ESYT3: variants seen among roughly 807,000 people sequenced by gnomAD.
ESYT3 encodes the protein extended synaptotagmin 3, also known as extended synaptotagmin-3.
Under a neutral mutation model 111.5 loss-of-function variants are expected in ESYT3, and 101 were observed. That is an observed-to-expected ratio of 0.91 (90% confidence interval 0.77 to 1.07). The LOEUF is 1.07. ESYT3 is among the 50% of genes least tolerant of loss of function. The pLI is 0.00. For synonymous variants in ESYT3, 416 were observed against 446.8 expected, an observed-to-expected ratio of 0.93 and a Z score of 0.87; for missense variants, 1,097 against 1,109.4, an observed-to-expected ratio of 0.99 and a Z score of 0.16.
At position 138,440,473 on chromosome 3, in the gene ESYT3, A is replaced by C. The variant is rs1374908767; in HGVS notation, c.327+5348A>C. Among the ~76,000 whole-genome samples, 1 of 152,192 alleles carries C rather than the reference A, an allele frequency of 6.6e-6. No homozygotes were observed. The highest frequency in any genetic ancestry group is 2.4e-5 in the African/African-American group (1 of 41,448). Reference sequence around the variant, plus strand: ...GGAAGTAAATGCAGTGACAGCTCTGAGCTAGCCTGGGCACTCTCAGATTAG... The same window carrying C: ...GGAAGTAAATGCAGTGACAGCTCTGCGCTAGCCTGGGCACTCTCAGATTAG... On this transcript the variant is annotated intron_variant, in intron 1 of 22. Coordinates refer to ENST00000389567, the MANE Select transcript of ESYT3 (RefSeq NM_031913.5). This position sits in a 1 kb window ranked among gnomAD's most constrained non-coding sequence, Gnocchi z 4.2.
intron 16 of ESYT3, chr3:138,470,523 T>C: frequency 3.5e-6 from 4 of 1,132,166 alleles, no homozygotes; most frequent in Non-Finnish European, 3.3e-6. Context: ...GCAAAAACAA[T>C]GTCTTGTCCA....
intron 1 of ESYT3, among the ~76,000 whole-genome samples, chr3:138,450,364 T>C (rs150387844): frequency 6.6e-6 from 1 of 152,266 alleles, no homozygotes; most frequent in Non-Finnish European, 1.5e-5. Flanking sequence ...GCAGAGAATG[T>C]TTGCTGAGCA....
chr3:138,459,671 G>A lies in ESYT3; in HGVS notation c.649-274G>A, dbSNP rs2032509518. Among the ~76,000 whole-genome samples, 3 of 152,232 alleles carry A rather than the reference G, an allele frequency of 2.0e-5. No homozygotes were observed. In the South Asian group the frequency reaches 6.2e-4, roughly 32 times the overall value. ...GCTGGCTGGGCCAGCCCAAAACTTG[G>A]CAAAGGCTATAGGTCTCTCAGGCCA... On this transcript the variant is annotated intron_variant, in intron 5 of 22. Coordinates refer to ENST00000389567, the MANE Select transcript of ESYT3 (RefSeq NM_031913.5).
At chr3:138,480,265 CAG>C (rs1289883588), downstream of ESYT3, 2 of 152,024 alleles carry the variant, frequency 1.3e-5, no homozygotes, top group African/African-American at 4.8e-5. Context: ...TCACATGAAA[CAG>C]AAATGTTGAA....
chr3:138,446,118 G>A (rs1169141390), intron 1 of ESYT3, among the ~76,000 whole-genome samples: 1 of 152,236 alleles, frequency 6.6e-6, no homozygotes, highest in African/African-American at 2.4e-5. Flanking sequence ...AAATGAAAGT[G>A]TTTATGGAAT....
chr3:138,472,506 A>C lies in ESYT3; in HGVS notation c.1884A>C (p.Pro628=), dbSNP rs375321194. 1.9e-6 allele frequency: 3 copies of C among 1,614,204 alleles called. No individual in the cohort carries two copies. The highest frequency in any genetic ancestry group is 2.5e-6 in the Non-Finnish European group (3 of 1,180,030). ...AGGAAGAAGGCCCTACAGATTTGCC[A>C]TGTCCCCCAGACCCTGCTTCTGATA... ...QPQEEGPTDL[P]CPPDPASDTK... is the part of the protein sequence containing the mutation. The change falls in exon 18 of 23, where the codon CCA becomes CCC. Residue 628 remains proline, a synonymous_variant. Coordinates refer to ENST00000389567, the MANE Select transcript of ESYT3 (RefSeq NM_031913.5).
intron 1 of ESYT3, among the ~76,000 whole-genome samples, chr3:138,446,639 TA>T (rs1171247972): frequency 6.6e-6 from 1 of 152,162 alleles, no homozygotes; most frequent in Admixed American, 6.5e-5. Context: ...CCTGTAATCC[TA>T]ACAGTTTGGG....
chr3:138,456,480 C>G (rs948564511), intron 3 of ESYT3, among the ~76,000 whole-genome samples: 2 of 152,164 alleles, frequency 1.3e-5, no homozygotes, highest in African/African-American at 4.8e-5. Context: ...GCTGTGTTCA[C>G]AGCAGAGCCT....
Position 138,470,098 on chromosome 3 carries a change from G to A in ESYT3, c.1542G>A (p.Val514=). Residue 514 remains valine (V), a synonymous_variant, in exon 16 of 23, where the codon GTG becomes GTA. Coordinates refer to ENST00000389567, the MANE Select transcript of ESYT3 (RefSeq NM_031913.5). The stretch of plus-strand genomic sequence containing the variant: ...ACAAGGACCCTGTGTGGAGCCAGGT[G>A]TTCTCCTTCTTTGTGCACAATGTGG... ...PHNKDPVWSQ[V]FSFFVHNVAT... 1.2e-6 allele frequency: 2 copies of A among 1,613,278 alleles called. No individual in the cohort carries two copies. The highest frequency in any genetic ancestry group is 1.1e-5 in the South Asian group (1 of 91,036).
chr3:138,464,978 G>A (rs1049302839), intron 9 of ESYT3, among the ~76,000 whole-genome samples: 1 of 152,162 alleles, frequency 6.6e-6, no homozygotes, highest in Admixed American at 6.5e-5. Context: ...GCTCTGTTAC[G>A]TTTGGGGTGA....
At position 138,469,493 on chromosome 3, in the gene ESYT3, C is replaced by G; in HGVS notation, c.1492C>G (p.His498Asp). 6.2e-7 allele frequency: 1 copy of G among 1,613,960 alleles called. No individual in the cohort carries two copies. Among genetic ancestry groups the G allele is most frequent in the Admixed American group, 1.7e-5 (1 of 60,012 alleles). ...CAAACTATCTGTAGGCAAGAAGACA[C>G]ATACAAGTAAGGTAAGACAGCTTGG... ...YVKLSVGKKT[H>D]TSKTCPHNKD... The change falls in exon 15 of 23, where the codon CAT (histidine) becomes GAT (aspartate). Residue 498 changes from histidine (H) to aspartate (D), a missense_variant. Physicochemically the swap from His to Asp is moderately conservative, Grantham distance 81 (BLOSUM62 -1). Coordinates refer to ENST00000389567, the MANE Select transcript of ESYT3 (RefSeq NM_031913.5).
intron 16 of ESYT3, chr3:138,470,369 T>A: frequency 8.0e-7 from 1 of 1,245,854 alleles, no homozygotes; most frequent in Non-Finnish European, 1.0e-6. Flanking sequence ...TCAAGTCCCT[T>A]GACTTTCCCT....
rs1486932156 is a variant in ESYT3, at chr3:138,462,087, G to A, written c.796G>A (p.Asp266Asn). 3.7e-6 allele frequency: 6 copies of A among 1,614,008 alleles called. No homozygotes were observed. Among genetic ancestry groups the A allele is most frequent in the Non-Finnish European group, 5.1e-6 (6 of 1,180,014 alleles). The change falls in exon 8 of 23, where the codon GAT (aspartate) becomes AAT (asparagine). Residue 266 changes from aspartate to asparagine, a missense_variant and splice_region_variant. Coordinates refer to ENST00000389567, the MANE Select transcript of ESYT3 (RefSeq NM_031913.5). ...CAGCTGGTCCTGCCTTGTGTCCAGT[G>A]ATGTGTCAGACAGCTTACTGGAGGA... ...TNLLDAPGIN[D>N]VSDSLLEDLI...
intron 1 of ESYT3, among the ~76,000 whole-genome samples, chr3:138,437,005 G>A (rs775414365): frequency 6.6e-6 from 1 of 152,020 alleles, no homozygotes; most frequent in Non-Finnish European, 1.5e-5. Flanking sequence ...CTCTGTTGGG[G>A]ATACAGACCC....
At chr3:138,455,156 C>T (rs978058891) in intron 2 of ESYT3, 38 bp from the exon 3 acceptor site, 1 of 1,612,238 alleles carries the variant, frequency 6.2e-7, no homozygotes. Context: ...AGTGGGGGTA[C>T]AGACCTGACT....
In ESYT3 at chr3:138,459,928, C is replaced by G. The variant is rs1226154517; in HGVS notation, c.649-17C>G. 15 of 1,612,096 alleles carry G rather than the reference C, an allele frequency of 9.3e-6. No homozygotes were observed. The highest frequency in any genetic ancestry group is 1.3e-5 in the African/African-American group (1 of 74,918). ...AAGTAGGCCTGGGCCCCTCACGGGC[C>G]CTCTGTGCCTATCCAGTTGCAGGGC... On this transcript the variant is annotated splice_polypyrimidine_tract_variant and intron_variant, in intron 5 of 22. Coordinates refer to ENST00000389567, the MANE Select transcript of ESYT3 (RefSeq NM_031913.5).
intron 1 of ESYT3, among the ~76,000 whole-genome samples, chr3:138,437,155 T>C (rs2030770123): frequency 2.6e-5 from 4 of 151,982 alleles, no homozygotes. Flanking sequence ...ATGCTCTCTG[T>C]CCTACCAAGA....
intron 22 of ESYT3, 44 bp from the exon 23 acceptor site, chr3:138,476,771 ACAC>A: frequency 6.3e-7 from 1 of 1,594,772 alleles, no homozygotes; most frequent in South Asian, 1.1e-5. Flanking sequence ...TGTTACCACA[ACAC>A]ACTGTCATTA....
intron 1 of ESYT3, among the ~76,000 whole-genome samples, chr3:138,447,856 AAC>A (rs1183199128): frequency 3.3e-5 from 5 of 151,822 alleles, no homozygotes; most frequent in Admixed American, 3.3e-4. Context: ...TAAAAAATAT[AAC>A]AATTGAAATC....
Sources: allele counts gnomAD v4.1 joint callset (sites outside exome capture counted in the v4.1 genomes callset), GRCh38; gene constraint gnomAD v4.1.1; non-coding constraint Gnocchi (gnomAD v3.1); transcripts MANE v1.5; gene names NCBI Gene and HGNC (gene_info 2026-07-23, HGNC 2026-07-21).